Variants in SEMA4B observed in about 807,000 individuals in gnomAD.
SEMA4B encodes the protein semaphorin 4B, also known as semaphorin-4B.
A neutral mutation model predicts 88.1 loss-of-function variants in SEMA4B; 55 were observed. The observed-to-expected ratio is 0.62, with a 90% CI of 0.50 to 0.78. The LOEUF is 0.78. Ranked by LOEUF, SEMA4B falls within the 30% of genes least tolerant of loss-of-function variation. The probability of loss-of-function intolerance (pLI) is 0.00; values close to 1 mark genes in which losing one functional copy is unlikely to be tolerated. For missense variants in SEMA4B, 1,062 were observed against 1,111.9 expected (o/e 0.96, Z 0.64); for synonymous variants, 525 against 473.6 (o/e 1.11, Z -1.41).
At chr15:90,206,857 G>C (rs1442358913) in intron 1 of SEMA4B, 1 of 718,730 alleles carries the variant, frequency 1.4e-6, no homozygotes, top group Non-Finnish European at 2.6e-6. Context: ...AATTGACAGA[G>C]AGGGGAAACC....
intron 1 of SEMA4B, among the ~76,000 whole-genome samples, chr15:90,213,608 G>C (rs895553714): frequency 1.3e-5 from 2 of 152,214 alleles, no homozygotes; most frequent in African/African-American, 4.8e-5. Context: ...AAGTGGGATT[G>C]AGTTGCCACC....
At position 90,206,269 on chromosome 15, in the gene SEMA4B, C is replaced by T. The variant is rs868163945; in HGVS notation, c.157+4534C>T. On this transcript the variant is annotated intron_variant, in intron 1 of 13. Coordinates refer to ENST00000411539, the MANE Select transcript of SEMA4B (RefSeq NM_198925.4). ...CTCTGATGTGGCCCTCCCTGGGGAT[C>T]GGGGCAACAGGAACAACACAACGCG... is the stretch of plus-strand genomic sequence containing the variant. Among the ~76,000 whole-genome samples, 38 of 152,284 alleles carry T rather than the reference C, an allele frequency of 2.5e-4. No individual in the cohort carries two copies. In the South Asian group the frequency reaches 4.4e-3, roughly 17 times the overall value.
chr15:90,201,283 C>T, upstream of SEMA4B: 1 of 1,105,338 alleles, frequency 9.0e-7, no homozygotes, highest in Non-Finnish European at 1.1e-6. Context: ...AGGGGGCGGG[C>T]CGGCCGGGCT....
At chr15:90,191,701 A>G (rs1960349128) in intron 1 of SEMA4B, among the ~76,000 whole-genome samples, 1 of 152,176 alleles carries the variant, frequency 6.6e-6, no homozygotes, top group African/African-American at 2.4e-5. Context: ...GGTAGCGGGG[A>G]AAATGGTTTG....
upstream of SEMA4B, chr15:90,201,244 T>C (rs1960698675): frequency 6.2e-6 from 6 of 969,740 alleles, no homozygotes; most frequent in Non-Finnish European, 7.5e-6. Context: ...CCCCTCGCGC[T>C]GCCAGCGCCC....
At chr15:90,189,211 G>A (rs59381873) in intron 1 of SEMA4B, among the ~76,000 whole-genome samples, 25,576 of 151,980 alleles carry the variant, frequency 0.17, 3,141 homozygotes, top group East Asian at 0.58. Context: ...GGAAGAAAAG[G>A]TAGGAAGGAG....
At chr15:90,200,551 G>A (rs1451230956), upstream of SEMA4B, among the ~76,000 whole-genome samples, 2 of 152,180 alleles carry the variant, frequency 1.3e-5, no homozygotes, top group Non-Finnish European at 2.9e-5. Flanking sequence ...GGAAACCCCT[G>A]GTCTCAGCAG....
At chr15:90,198,678 T>A (rs2151589988), upstream of SEMA4B, among the ~76,000 whole-genome samples, 1 of 152,156 alleles carries the variant, frequency 6.6e-6, no homozygotes, top group Middle Eastern at 3.4e-3. Flanking sequence ...TCAAAGGCCC[T>A]GCTGGTTCGG....
intron 1 of SEMA4B, chr15:90,185,215 C>G (rs937466520): frequency 1.5e-5 from 6 of 395,176 alleles, no homozygotes; most frequent in Non-Finnish European, 2.1e-5. Context: ...CCAGAAGGCG[C>G]CACCTGCACG....
At chr15:90,219,555 AG>A (rs5814416) in intron 3 of SEMA4B, 120,029 of 526,558 alleles carry the variant, frequency 0.23, 15,054 homozygotes, top group Admixed American at 0.31. Context: ...CCTAGGCCGA[AG>A]GAAAGTTTGC....
chr15:90,223,781 G>A, intron 8 of SEMA4B, 41 bp downstream of exon 8: 1 of 1,606,200 alleles, frequency 6.2e-7, no homozygotes, highest in South Asian at 1.1e-5. Flanking sequence ...AGGGTGAAGG[G>A]TGGCTGGGAC....
Position 90,227,356 on chromosome 15 carries a change from A to G in SEMA4B, c.1689-201A>G, listed in dbSNP as rs1962221820. On this transcript the variant is annotated intron_variant, in intron 12 of 13. Transcript: ENST00000411539. ...GCCACCATGCCTGGCCACTGAGGGT[A>G]CATACTGTTTATGTAATTAAGGGAA... 6.8e-6 allele frequency: 4 copies of G among 584,014 alleles called. No individual in the cohort carries two copies. In the Admixed American group the frequency reaches 1.2e-4, roughly 18 times the overall value. The allele number at this position is 584,014 out of a possible 1,614,324, so 36.2% of individuals were successfully genotyped here.
chr15:90,228,308 C>A lies in SEMA4B; in HGVS notation c.2179C>A (p.Leu727Met). 1.3e-6 allele frequency: 2 copies of A among 1,594,418 alleles called. No individual in the cohort carries two copies. Among genetic ancestry groups the A allele is most frequent in the South Asian group, 2.3e-5 (2 of 87,480 alleles). The change falls in exon 14 of 14, where the codon CTG becomes ATG. Residue 727 changes from leucine (L) to methionine (M), a missense_variant. By Grantham distance (15) the Leu-to-Met change is conservative. Transcript: ENST00000411539. ...EFLVMCTLFV[L>M]AVLLPVLFLL... ...CCTGGTGATGTGCACGCTCTTTGTG[C>A]TGGCCGTGCTGCTCCCAGTTTTATT...
chr15:90,226,609 G>A (rs1040226455), intron 12 of SEMA4B, among the ~76,000 whole-genome samples: 9 of 152,152 alleles, frequency 5.9e-5, no homozygotes, highest in African/African-American at 1.2e-4. Context: ...CCAGAGTGCC[G>A]GGATTACAGC....
intron 1 of SEMA4B, among the ~76,000 whole-genome samples, chr15:90,202,901 C>A (rs2151595004): frequency 6.6e-6 from 1 of 152,270 alleles, no homozygotes; most frequent in African/African-American, 2.4e-5. Flanking sequence ...AAGGCAGGGC[C>A]CTAGCGGCTT....
chr15:90,217,820 G>A lies in SEMA4B; in HGVS notation c.375G>A (p.Lys125=). 6.2e-7 allele frequency: 1 copy of A among 1,612,214 alleles called. No homozygotes were observed. Among genetic ancestry groups the A allele is most frequent in the East Asian group, 2.2e-5 (1 of 44,842 alleles). Residue 125 remains lysine (K), a synonymous_variant, in exon 3 of 14, where the codon AAG becomes AAA. Coordinates refer to ENST00000411539, the MANE Select transcript of SEMA4B (RefSeq NM_198925.4). ...AACAGCAGTGCAGCTTCAAGGGCAAGGACCCACAGGTGAGCCCACACCTGG... is the reference window on the plus strand; with the variant it reads ...AACAGCAGTGCAGCTTCAAGGGCAAAGACCCACAGGTGAGCCCACACCTGG... ...EKKQQCSFKG[K]DPQRDCQNYI...
intron 1 of SEMA4B, chr15:90,215,105 C>T (rs1216119439): frequency 1.6e-6 from 1 of 618,180 alleles, no homozygotes; most frequent in Non-Finnish European, 2.1e-6. Context: ...GGGTGCTGCT[C>T]TTTGCTTGTT....
chr15:90,213,178 A>ATTAT (rs1961357323), intron 1 of SEMA4B, among the ~76,000 whole-genome samples: 1 of 152,196 alleles, frequency 6.6e-6, no homozygotes, highest in South Asian at 2.1e-4. Flanking sequence ...GCAAAGTGTT[A>ATTAT]TTATTTTCCC....
chr15:90,201,242 G>C (rs900694665), upstream of SEMA4B: 5 of 957,176 alleles, frequency 5.2e-6, no homozygotes, highest in South Asian at 2.5e-4. Flanking sequence ...CGCCCCTCGC[G>C]CTGCCAGCGC....
Sources: gnomAD v4.1 joint callset for allele counts (sites outside exome capture counted in the v4.1 genomes callset) on GRCh38, gnomAD v4.1.1 for gene constraint, MANE v1.5 for transcripts, NCBI Gene and HGNC (gene_info 2026-07-23, HGNC 2026-07-21) for gene names.